The following FRMD5 variants were observed in gnomAD, a reference collection of about 807,000 sequenced individuals.
FRMD5 encodes the protein FERM domain containing 5.
A neutral mutation model predicts 69.0 loss-of-function variants in FRMD5; 20 were observed. The ratio of observed to expected loss-of-function variants is 0.29; its 90% CI spans 0.20 to 0.42. FRMD5 has a LOEUF of 0.42. Among genes scored for constraint, FRMD5 ranks in the 10% least tolerant of loss-of-function variants. The pLI is 1.00. For synonymous variants in FRMD5, 271 were observed against 260.1 expected, an observed-to-expected ratio of 1.04 and a Z score of -0.40; for missense variants, 595 against 708.6, an observed-to-expected ratio of 0.84 and a Z score of 1.82.
intron 1 of FRMD5, among the ~76,000 whole-genome samples, chr15:44,038,612 A>C (rs12900237): frequency 2.7e-5 from 4 of 148,172 alleles, no homozygotes; most frequent in South Asian, 2.1e-4. Context: ...AGCAAGATCA[A>C]TGCAGAAAAC....
At chr15:43,916,586 A>G (rs2089391697) in intron 4 of FRMD5, among the ~76,000 whole-genome samples, 1 of 152,208 alleles carries the variant, frequency 6.6e-6, no homozygotes, top group Non-Finnish European at 1.5e-5. Context: ...AGATATCACT[A>G]TCCCCATTTT....
At chr15:43,914,118 G>A (rs1005578886) in intron 4 of FRMD5, among the ~76,000 whole-genome samples, 5 of 152,154 alleles carry the variant, frequency 3.3e-5, no homozygotes. Flanking sequence ...GAAAACCTGA[G>A]CTTTTGTGTA....
At chr15:43,908,052 G>C (rs1240270505) in intron 5 of FRMD5, among the ~76,000 whole-genome samples, 1 of 152,116 alleles carries the variant, frequency 6.6e-6, no homozygotes, top group Non-Finnish European at 1.5e-5. Flanking sequence ...CTGTAGAAAA[G>C]ACTAGAGTTT....
At chr15:44,109,486 T>G (rs1473028591) in intron 1 of FRMD5, among the ~76,000 whole-genome samples, 2 of 152,120 alleles carry the variant, frequency 1.3e-5, no homozygotes, top group Non-Finnish European at 2.9e-5. Context: ...TAAATTTTGT[T>G]TTTTTTAAGA....
chr15:44,089,122 T>C (rs765996942), intron 1 of FRMD5, among the ~76,000 whole-genome samples: 2 of 152,188 alleles, frequency 1.3e-5, no homozygotes, highest in Non-Finnish European at 2.9e-5. Context: ...AAAGAATTTA[T>C]CAGCACAGGA....
At chr15:44,160,683 A>T (rs947226916) in intron 1 of FRMD5, among the ~76,000 whole-genome samples, 5 of 152,226 alleles carry the variant, frequency 3.3e-5, no homozygotes, top group African/African-American at 1.2e-4. Context: ...CTATTGTTGG[A>T]TGCTTAAGTT....
chr15:43,959,252 C>G (rs142836713), intron 1 of FRMD5, among the ~76,000 whole-genome samples: 2 of 152,228 alleles, frequency 1.3e-5, no homozygotes, highest in Admixed American at 1.3e-4. Context: ...GTGAGTACTG[C>G]CAGAATGATA....
intron 1 of FRMD5, among the ~76,000 whole-genome samples, chr15:44,124,240 G>T (rs532634778): frequency 2.0e-5 from 3 of 151,808 alleles, no homozygotes; most frequent in Admixed American, 6.6e-5. Context: ...TGATCTGCCC[G>T]CCTCGGCCTC....
rs34872140 is a variant in FRMD5 at position 43,999,953 on chromosome 15, CATATATATATATAT to C, written c.103-75658_103-75645del. On this transcript the variant is annotated intron_variant, in intron 1 of 13. Coordinates refer to ENST00000417257, the MANE Select transcript of FRMD5 (RefSeq NM_032892.5). Reference sequence around the variant, plus strand: ...TATATATATATATATATATGCCATGCATATATATATATATATATATATATATATATATATATGTG... The same window carrying C: ...TATATATATATATATATATGCCATGCATATATATATATATATATATATGTG... Among the ~76,000 whole-genome samples the C allele has an allele frequency of 6.3e-3, 518 of 82,554 alleles. 19 individuals carry two copies. Among genetic ancestry groups the C allele is most frequent in the Middle Eastern group, 0.018 (2 of 110 alleles). 54.2% of individuals were successfully genotyped at this position (82,554 alleles called of 152,430 possible).
intron 1 of FRMD5, among the ~76,000 whole-genome samples, chr15:44,003,783 T>A (rs1400873127): frequency 2.6e-5 from 4 of 152,246 alleles, no homozygotes. Context: ...TGTTTTCGTA[T>A]TCTACAGCAC....
chr15:44,163,865 TCA>T (rs1352825767), intron 1 of FRMD5, among the ~76,000 whole-genome samples: 1 of 152,168 alleles, frequency 6.6e-6, no homozygotes, highest in African/African-American at 2.4e-5. Context: ...GTGCAGCTGA[TCA>T]GAGGCCCTGA....
chr15:44,095,582 T>A (rs948644672), intron 1 of FRMD5, among the ~76,000 whole-genome samples: 1 of 152,144 alleles, frequency 6.6e-6, no homozygotes. Context: ...CCCTGTCAGA[T>A]GTTGCTGAAG....
chr15:44,133,904 A>G (rs2140427179), intron 1 of FRMD5, among the ~76,000 whole-genome samples: 1 of 152,278 alleles, frequency 6.6e-6, no homozygotes, highest in East Asian at 1.9e-4. Flanking sequence ...ATATAAGCCA[A>G]TGTCCAGAGA....
intron 1 of FRMD5, among the ~76,000 whole-genome samples, chr15:44,052,212 T>C (rs1442156524): frequency 3.3e-5 from 5 of 152,236 alleles, no homozygotes; most frequent in South Asian, 2.1e-4. Flanking sequence ...CTTATGTATA[T>C]TGGTTTTATA....
At chr15:44,146,976 G>A (rs1313846641) in intron 1 of FRMD5, among the ~76,000 whole-genome samples, 1 of 152,168 alleles carries the variant, frequency 6.6e-6, no homozygotes, top group African/African-American at 2.4e-5. Context: ...TTGCTGTGCA[G>A]AAGCTCTTTA....
At chr15:44,140,592 A>G (rs1163008297) in intron 1 of FRMD5, among the ~76,000 whole-genome samples, 5 of 152,068 alleles carry the variant, frequency 3.3e-5, no homozygotes, top group African/African-American at 1.2e-4. Flanking sequence ...AAGAAATCCA[A>G]GAAAGGCCAG....
At chr15:44,067,467 T>C (rs1424178730) in intron 1 of FRMD5, among the ~76,000 whole-genome samples, 2 of 152,330 alleles carry the variant, frequency 1.3e-5, no homozygotes, top group East Asian at 1.9e-4. Flanking sequence ...CTGAGTAGTT[T>C]ATAAACAGTA....
chr15:43,986,878 T>A (rs1395306922), intron 1 of FRMD5, among the ~76,000 whole-genome samples: 1 of 152,108 alleles, frequency 6.6e-6, no homozygotes, highest in Non-Finnish European at 1.5e-5. Flanking sequence ...TCCAACAGCA[T>A]GTGCTCATTT....
intron 1 of FRMD5, among the ~76,000 whole-genome samples, chr15:44,186,851 T>G (rs949247982): frequency 2.0e-5 from 3 of 152,238 alleles, no homozygotes; most frequent in Non-Finnish European, 2.9e-5. Flanking sequence ...TCCCCAAAGC[T>G]CTAGCCTGGC....
Sources: allele counts gnomAD v4.1 joint callset (sites outside exome capture counted in the v4.1 genomes callset), GRCh38; gene constraint gnomAD v4.1.1; transcripts MANE v1.5; gene names NCBI Gene and HGNC (gene_info 2026-07-23, HGNC 2026-07-21).